Variants in AGBL4 observed in about 807,000 individuals in gnomAD.
AGBL4 encodes cytosolic carboxypeptidase 6.
AGBL4 carries 58 observed loss-of-function variants against 66.4 expected under a neutral mutation model. The ratio of observed to expected loss-of-function variants is 0.87; its 90% CI spans 0.71 to 1.09. The LOEUF is 1.09. Ranked by LOEUF, AGBL4 falls within the 50% of genes least tolerant of loss-of-function variation. AGBL4 has a pLI of 0.00. For synonymous variants in AGBL4, 234 were observed against 222.9 expected (o/e 1.05, Z -0.44); for missense variants, 579 against 631.0 (o/e 0.92, Z 0.88).
chr1:49,997,437 C>A (rs1175680069), intron 1 of AGBL4, among the ~76,000 whole-genome samples: 1 of 151,986 alleles, frequency 6.6e-6, no homozygotes, highest in Non-Finnish European at 1.5e-5. Flanking sequence ...GACTTTAAAG[C>A]AACAGCAGTT....
intron 2 of AGBL4, among the ~76,000 whole-genome samples, chr1:49,820,715 T>C (rs1314683666): frequency 1.3e-5 from 2 of 152,132 alleles, no homozygotes; most frequent in Admixed American, 1.3e-4. Flanking sequence ...GTACTTCAAC[T>C]TGGAAATGCT....
intron 4 of AGBL4, 59 bp downstream of exon 4, chr1:49,245,711 T>A: frequency 7.8e-7 from 1 of 1,287,610 alleles, no homozygotes; most frequent in Non-Finnish European, 1.1e-6. Flanking sequence ...TGTGTATATG[T>A]ATGGGGTCTG....
chr1:49,093,597 T>C (rs1224969554), intron 4 of AGBL4, among the ~76,000 whole-genome samples: 1 of 152,160 alleles, frequency 6.6e-6, no homozygotes, highest in Middle Eastern at 3.2e-3. Flanking sequence ...ATGTTCACAT[T>C]GTGTGATTCT....
intron 1 of AGBL4, chr1:49,995,701 T>C (rs1660316234): frequency 6.4e-6 from 1 of 155,462 alleles, no homozygotes; most frequent in Non-Finnish European, 1.4e-5. Context: ...TGATGCTCTC[T>C]TGAAAGCACC....
rs370173515 is a variant in AGBL4, at chr1:48,775,014, A to G, written c.634+92177T>C. Reference sequence around the variant, plus strand: ...GGGAAGCTAAGGTTACAACCTAGTTATAACTTCCTCAAGCCTATCGTCTTG... The same window carrying G: ...GGGAAGCTAAGGTTACAACCTAGTTGTAACTTCCTCAAGCCTATCGTCTTG... On this transcript the variant is annotated intron_variant, in intron 6 of 13. Transcript: ENST00000371839. 3.3e-5 allele frequency among the ~76,000 whole-genome samples: 5 copies of G among 152,382 alleles called. No homozygotes were observed. The East Asian group carries it at 7.7e-4, about 23-fold the overall frequency.
intron 6 of AGBL4, among the ~76,000 whole-genome samples, chr1:48,788,263 C>T (rs1645456252): frequency 6.6e-6 from 1 of 152,228 alleles, no homozygotes; most frequent in Admixed American, 6.5e-5. Flanking sequence ...TTCTTACCTT[C>T]TGAGATAATT....
intron 6 of AGBL4, among the ~76,000 whole-genome samples, chr1:48,692,605 C>A (rs1646650662): frequency 6.6e-6 from 1 of 152,214 alleles, no homozygotes; most frequent in Non-Finnish European, 1.5e-5. Context: ...AATCCTGATT[C>A]TATCCATGTG....
chr1:49,842,044 C>T, intron 2 of AGBL4: 1 of 381,834 alleles, frequency 2.6e-6, no homozygotes, highest in Non-Finnish European at 4.9e-6. Context: ...GCAGCCTCCT[C>T]CTTGTGCCCA....
chr1:48,710,577 T>C (rs970564378), intron 6 of AGBL4, among the ~76,000 whole-genome samples: 4 of 152,164 alleles, frequency 2.6e-5, no homozygotes, highest in African/African-American at 9.7e-5. Flanking sequence ...CAGGGAGCCA[T>C]GGAAGGTTTA....
intron 2 of AGBL4, among the ~76,000 whole-genome samples, chr1:49,821,345 T>C (rs1162644855): frequency 6.6e-6 from 1 of 152,202 alleles, no homozygotes; most frequent in Admixed American, 6.5e-5. Flanking sequence ...ACATTTAAAC[T>C]GAAAACCTGT....
At chr1:49,113,030 C>T (rs771057104) in intron 4 of AGBL4, among the ~76,000 whole-genome samples, 6 of 151,546 alleles carry the variant, frequency 4.0e-5, no homozygotes, top group Non-Finnish European at 8.8e-5. Context: ...CGGCTCACTG[C>T]GAGCTCTGCC....
At chr1:49,420,193 G>A (rs1284188508) in intron 3 of AGBL4, among the ~76,000 whole-genome samples, 3 of 151,992 alleles carry the variant, frequency 2.0e-5, no homozygotes, top group Non-Finnish European at 2.9e-5. Flanking sequence ...AAATCTCTCG[G>A]GATTGAAACA....
intron 3 of AGBL4, among the ~76,000 whole-genome samples, chr1:49,616,543 T>C (rs922236944): frequency 6.6e-6 from 1 of 152,160 alleles, no homozygotes; most frequent in Non-Finnish European, 1.5e-5. Context: ...TCACATGGCT[T>C]TGAATACCAT....
At chr1:49,087,726 A>C (rs139354788) in intron 4 of AGBL4, among the ~76,000 whole-genome samples, 77 of 152,318 alleles carry the variant, frequency 5.1e-4, no homozygotes, top group Non-Finnish European at 9.4e-4. Context: ...CAAATCCAGG[A>C]AATACAGAAA....
At chr1:49,919,445 CA>C (rs1475829474) in intron 1 of AGBL4, among the ~76,000 whole-genome samples, 1 of 152,142 alleles carries the variant, frequency 6.6e-6, no homozygotes, top group Non-Finnish European at 1.5e-5. Context: ...ACACCAATAA[CA>C]GACAAACAGA....
intron 3 of AGBL4, among the ~76,000 whole-genome samples, chr1:49,331,721 A>C (rs978252398): frequency 6.6e-6 from 1 of 151,520 alleles, no homozygotes; most frequent in African/African-American, 2.4e-5. Context: ...ACTCAACCAG[A>C]CTATCCTGCA....
chr1:49,894,701 T>C (rs950433483), intron 1 of AGBL4, among the ~76,000 whole-genome samples: 2 of 152,068 alleles, frequency 1.3e-5, no homozygotes, highest in Non-Finnish European at 2.9e-5. Flanking sequence ...GACAGGCTAT[T>C]TGAAAACACA....
chr1:49,213,199 G>A (rs189309869), intron 4 of AGBL4, among the ~76,000 whole-genome samples: 4 of 152,224 alleles, frequency 2.6e-5, no homozygotes. Context: ...TTATTTGTGA[G>A]CTGCACAGAA....
chr1:48,791,566 CAG>C (rs1176172861), intron 6 of AGBL4, among the ~76,000 whole-genome samples: 2 of 152,134 alleles, frequency 1.3e-5, no homozygotes, highest in Non-Finnish European at 2.9e-5. Context: ...TTTACTGAAA[CAG>C]AGGTAAGAGA....
Sources: gnomAD v4.1 joint callset for allele counts (sites outside exome capture counted in the v4.1 genomes callset) on GRCh38, gnomAD v4.1.1 for gene constraint, MANE v1.5 for transcripts, NCBI Gene and HGNC (gene_info 2026-07-23, HGNC 2026-07-21) for gene names.